Variants in ZNF577 observed in about 807,000 individuals in gnomAD.
ZNF577 encodes zinc finger protein 577.
Under a neutral mutation model 13.9 loss-of-function variants are expected in ZNF577, and 14 were observed. That is an observed-to-expected ratio of 1.00 (90% CI 0.66 to 1.57). The LOEUF is 1.57. Ranked by LOEUF, ZNF577 falls within the 40% of genes most tolerant of loss-of-function variation. The pLI is 0.00. For synonymous variants in ZNF577, 203 were observed against 202.9 expected (o/e 1.00, Z 0.00); for missense variants, 555 against 579.2 (o/e 0.96, Z 0.43).
intron 5 of ZNF577, among the ~76,000 whole-genome samples, chr19:51,849,499 T>C (rs536669939): frequency 2.6e-5 from 4 of 152,336 alleles, no homozygotes; most frequent in South Asian, 4.1e-4. Flanking sequence ...CCTTTTGCCA[T>C]GTGAGGACAC....
At position 51,831,001 on chromosome 19, in the gene ZNF577, C is replaced by T. The variant is rs185271302; in HGVS notation, c.*599+8892G>A. Among the ~76,000 whole-genome samples, 3 of 152,254 alleles carry T rather than the reference C, an allele frequency of 2.0e-5. No individual in the cohort carries two copies. In the East Asian group the frequency reaches 5.8e-4, roughly 29 times the overall value. On this transcript the variant is annotated intron_variant and NMD_transcript_variant, in intron 9 of 10. Transcript: ENST00000638827. ...CAAAGTAAAACTATCAATTTGATTCCCCCTGAAACAGTTGCTTGACAAATC... is the reference window on the plus strand; with the variant it reads ...CAAAGTAAAACTATCAATTTGATTCTCCCTGAAACAGTTGCTTGACAAATC...
chr19:51,857,426 GA>G (rs374662736), intron 5 of ZNF577, among the ~76,000 whole-genome samples: 8 of 96,792 alleles, frequency 8.3e-5, no homozygotes, highest in Admixed American at 1.1e-4. Context: ...AAGAAAGAAA[GA>G]AAAGAAAAAA....
chr19:51,806,477 A>T (rs1162750871), intron 10 of ZNF577, among the ~76,000 whole-genome samples: 1 of 152,220 alleles, frequency 6.6e-6, no homozygotes, highest in African/African-American at 2.4e-5. Context: ...CAAAAATTTT[A>T]AAGTAAATAA....
chr19:51,881,050 G>C (rs1324005062), intron 1 of ZNF577, among the ~76,000 whole-genome samples, 173 bp from the exon 2 acceptor site: 1 of 152,218 alleles, frequency 6.6e-6, no homozygotes, highest in Non-Finnish European at 1.5e-5. Flanking sequence ...TATGGAATGT[G>C]CAAGAGGAAT....
Position 51,846,707 on chromosome 19 carries a change from C to CA in ZNF577, c.284-1777dup, listed in dbSNP as rs1293084713. On this transcript the variant is annotated intron_variant and NMD_transcript_variant, in intron 5 of 10. Coordinates refer to the ZNF577 transcript ENST00000638827. ...TGGGCCACAGAGCGAGACTCCATCT[C>CA]AAAAAAAAAACAAGAAGAGAATTTG... Among the ~76,000 whole-genome samples the CA allele has an allele frequency of 1.8e-3, 270 of 146,124 alleles. 1 individual carries two copies. Among genetic ancestry groups the CA allele is most frequent in the African/African-American group, 6.0e-3 (239 of 39,796 alleles).
chr19:51,873,734 G>C, intron 5 of ZNF577, 28 bp from the exon 6 acceptor site: 1 of 1,527,914 alleles, frequency 6.5e-7, no homozygotes, highest in Non-Finnish European at 8.9e-7. Context: ...CTTTTACAAT[G>C]CGAGCCAAAC....
chr19:51,827,305 G>A (rs1372433709), intron 9 of ZNF577, among the ~76,000 whole-genome samples: 1 of 152,162 alleles, frequency 6.6e-6, no homozygotes, highest in Non-Finnish European at 1.5e-5. Flanking sequence ...GAAGGAGTCA[G>A]CCACGTTAGA....
chr19:51,860,944 C>A, intron 5 of ZNF577: 1 of 420,614 alleles, frequency 2.4e-6, no homozygotes, highest in East Asian at 8.8e-5. Context: ...CCTGCATTCC[C>A]TCCATCTGTA....
chr19:51,820,719 A>G (rs534445606), intron 9 of ZNF577, among the ~76,000 whole-genome samples: 1 of 152,316 alleles, frequency 6.6e-6, no homozygotes, highest in Non-Finnish European at 1.5e-5. Context: ...AATTCTGTTG[A>G]AATCAGTCTG....
chr19:51,872,862 G>A lies in ZNF577; in HGVS notation c.1128C>T (p.His376=). 6.2e-7 allele frequency: 1 copy of A among 1,614,192 alleles called. No homozygotes were observed. Among genetic ancestry groups the A allele is most frequent in the South Asian group, 1.1e-5 (1 of 91,082 alleles). The part of the protein sequence containing the change: ...MSVLIKHEKT[H]IRETAINSLT... Reference sequence around the variant, plus strand: ...GTGAATTTATGGCTGTCTCTCTTATGTGAGTTTTCTCATGTTTAATGAGGA... The same window carrying A: ...GTGAATTTATGGCTGTCTCTCTTATATGAGTTTTCTCATGTTTAATGAGGA... Residue 376 remains histidine, a synonymous_variant, in exon 6 of 6, where the codon CAC becomes CAT. Coordinates refer to ENST00000638348, the MANE Select transcript of ZNF577 (RefSeq NM_001370449.1).
chr19:51,835,799 T>G (rs957770941), intron 9 of ZNF577, among the ~76,000 whole-genome samples: 13 of 152,268 alleles, frequency 8.5e-5, no homozygotes, highest in African/African-American at 2.6e-4. Flanking sequence ...TTCAAGCAAT[T>G]CTCCTGTCTC....
chr19:51,873,781 C>A (rs746228981), intron 5 of ZNF577, 75 bp from the exon 6 acceptor site: 6 of 1,137,994 alleles, frequency 5.3e-6, no homozygotes, highest in Non-Finnish European at 7.3e-6. Context: ...AATGCTCTTA[C>A]ATAAACCAAA....
chr19:51,817,307 C>T (rs1246191431), intron 9 of ZNF577, among the ~76,000 whole-genome samples: 1 of 151,922 alleles, frequency 6.6e-6, no homozygotes, highest in African/African-American at 2.4e-5. Flanking sequence ...ACAAACAAAA[C>T]CAAAATAGAG....
chr19:51,853,837 AG>A (rs1465318232), intron 5 of ZNF577, among the ~76,000 whole-genome samples: 1 of 152,216 alleles, frequency 6.6e-6, no homozygotes, highest in Non-Finnish European at 1.5e-5. Flanking sequence ...TGTGCTTTGT[AG>A]GACAATACAT....
chr19:51,887,576 T>G lies in ZNF577; in HGVS notation c.-974A>C. 6.6e-6 allele frequency: 1 copy of G among 151,998 alleles called. No individual in the cohort carries two copies. The highest frequency in any genetic ancestry group is 2.1e-4 in the South Asian group (1 of 4,824). The allele number at this position is 151,998 out of a possible 1,614,324, so 9.4% of individuals were successfully genotyped here. On this transcript the variant is annotated 5_prime_UTR_variant, in exon 1 of 6. Coordinates refer to ENST00000638348, the MANE Select transcript of ZNF577 (RefSeq NM_001370449.1). ...TGAACACGAACTGCCCAGAGCAGTC[T>G]CCAACACTGACACGATTCGCTTCCC...
chr19:51,852,312 CCCA>C (rs1209501925), intron 5 of ZNF577, among the ~76,000 whole-genome samples: 1 of 152,184 alleles, frequency 6.6e-6, no homozygotes, highest in Non-Finnish European at 1.5e-5. Flanking sequence ...ACAATTGCAA[CCCA>C]CCTTTTCTGT....
Position 51,873,324 on chromosome 19 carries a change from G to A in ZNF577, c.666C>T (p.Ala222=). 6 of 1,614,212 alleles carry A rather than the reference G, an allele frequency of 3.7e-6. No homozygotes were observed. The South Asian group carries it at 4.4e-5, about 12-fold the overall frequency. The part of the protein sequence containing the change: ...KPHECSECGK[A]FSRKSQLMVH... ...CCATGAGCTGTGACTTTCTGGAGAAGGCTTTTCCACATTCACTACATTCAT... is the reference window on the plus strand; with the variant it reads ...CCATGAGCTGTGACTTTCTGGAGAAAGCTTTTCCACATTCACTACATTCAT... The change falls in exon 6 of 6, where the codon GCC becomes GCT. Residue 222 remains alanine (A), a synonymous_variant. Coordinates refer to ENST00000638348, the MANE Select transcript of ZNF577 (RefSeq NM_001370449.1).
intron 5 of ZNF577, among the ~76,000 whole-genome samples, chr19:51,850,990 T>C (rs1228098887): frequency 6.6e-6 from 1 of 152,210 alleles, no homozygotes; most frequent in East Asian, 1.9e-4. Flanking sequence ...GATAAGCATA[T>C]AATTTTGTGA....
chr19:51,826,408 C>A (rs928310120), intron 9 of ZNF577, among the ~76,000 whole-genome samples: 1 of 152,154 alleles, frequency 6.6e-6, no homozygotes, highest in South Asian at 2.1e-4. Flanking sequence ...GCTAGTGAAG[C>A]CAACTGGATC....
Sources: allele counts gnomAD v4.1 joint callset (sites outside exome capture counted in the v4.1 genomes callset), GRCh38; gene constraint gnomAD v4.1.1; transcripts MANE v1.5; gene names NCBI Gene and HGNC (gene_info 2026-07-23, HGNC 2026-07-21).